Variants in KDM2B observed in about 807,000 individuals in gnomAD.
KDM2B encodes the protein lysine-specific demethylase 2B.
In KDM2B, 26 loss-of-function variants were observed where a neutral mutation model predicts 150.0. The observed-to-expected ratio is 0.17, with a 90% CI of 0.13 to 0.24. The LOEUF (loss-of-function observed/expected upper bound fraction) is 0.24, where lower values mean the gene tolerates loss of function less well. Among genes scored for constraint, KDM2B ranks in the 10% least tolerant of loss-of-function variants. The probability of loss-of-function intolerance (pLI) is 1.00; values close to 1 mark genes in which losing one functional copy is unlikely to be tolerated. For synonymous variants in KDM2B, 734 were observed against 729.5 expected (o/e 1.01, Z -0.10); for missense variants, 1,265 against 1,816.9 (o/e 0.70, Z 5.52).
chr12:121,446,752 A>G (rs1469786729), intron 13 of KDM2B, among the ~76,000 whole-genome samples: 1 of 152,246 alleles, frequency 6.6e-6, no homozygotes, highest in African/African-American at 2.4e-5. Context: ...CTGAATGAAA[A>G]TTAGACTTTT....
intron 11 of KDM2B, among the ~76,000 whole-genome samples, chr12:121,507,283 G>C (rs1361381277): frequency 6.6e-6 from 1 of 151,958 alleles, no homozygotes; most frequent in African/African-American, 2.4e-5. Context: ...ACAATCACTT[G>C]AACCCGGGAG....
At chr12:121,536,877 A>G (rs1888161873) in intron 6 of KDM2B, among the ~76,000 whole-genome samples, 1 of 152,100 alleles carries the variant, frequency 6.6e-6, no homozygotes, top group Non-Finnish European at 1.5e-5. Context: ...CTGCCTGGCT[A>G]ACCAGGTCAC....
intron 6 of KDM2B, among the ~76,000 whole-genome samples, chr12:121,541,985 T>A (rs549834916): frequency 3.9e-5 from 6 of 152,172 alleles, no homozygotes; most frequent in Non-Finnish European, 5.9e-5. Flanking sequence ...TTGATACACC[T>A]CCCTTCGAGA....
At chr12:121,443,594 G>C in intron 17 of KDM2B, 86 bp downstream of exon 17, 1 of 800,324 alleles carries the variant, frequency 1.2e-6, no homozygotes, top group Non-Finnish European at 2.2e-6. Context: ...GCAGCAGTGG[G>C]GTGGAGGACC....
intron 12 of KDM2B, among the ~76,000 whole-genome samples, chr12:121,475,274 T>G (rs547911296): frequency 2.9e-4 from 44 of 149,472 alleles, no homozygotes; most frequent in African/African-American, 1.1e-3. Context: ...TGGTCAAAAA[T>G]GGACACACAA....
chr12:121,550,857 G>A (rs560207367), intron 4 of KDM2B, among the ~76,000 whole-genome samples: 16 of 152,120 alleles, frequency 1.1e-4, no homozygotes, highest in African/African-American at 3.4e-4. Flanking sequence ...GTTAACGGAG[G>A]GGGAAAAATC....
At position 121,429,842 on chromosome 12, in the gene KDM2B, A is replaced by G; in HGVS notation, c.*446T>C. On this transcript the variant is annotated 3_prime_UTR_variant, in exon 23 of 23. Coordinates refer to ENST00000377071, the MANE Select transcript of KDM2B (RefSeq NM_032590.5). ...AGTTCTGCATAATGTAAGATGTAAC[A>G]AAACCAACCAAACAAAAAAAAGTGT... is the stretch of plus-strand genomic sequence containing the variant. 7.0e-6 allele frequency: 4 copies of G among 573,124 alleles called. No individual in the cohort carries two copies. Among genetic ancestry groups the G allele is most frequent in the Non-Finnish European group, 1.2e-5 (4 of 323,712 alleles). 35.5% of individuals were successfully genotyped at this position (573,124 alleles called of 1,614,324 possible).
chr12:121,566,914 T>G (rs1555315077), intron 4 of KDM2B, among the ~76,000 whole-genome samples: 2 of 151,894 alleles, frequency 1.3e-5, no homozygotes, highest in Non-Finnish European at 2.9e-5. Flanking sequence ...TGGAGTCTTG[T>G]TCTGTCACCC....
intron 22 of KDM2B, among the ~76,000 whole-genome samples, chr12:121,431,293 A>G (rs1555285450): frequency 7.6e-6 from 1 of 131,364 alleles, no homozygotes; most frequent in Non-Finnish European, 1.6e-5. Context: ...CACCATGTGC[A>G]ACTTTTTTTT....
intron 12 of KDM2B, among the ~76,000 whole-genome samples, chr12:121,478,362 T>C (rs1881630276): frequency 5.0e-5 from 1 of 20,174 alleles, no homozygotes; most frequent in African/African-American, 1.6e-3. Context: ...AAGTAGATCC[T>C]TTTTTTTTTT....
chr12:121,486,333 CTTTTTTTTTT>C (rs71079073), intron 12 of KDM2B, among the ~76,000 whole-genome samples: 27 of 59,018 alleles, frequency 4.6e-4, no homozygotes, highest in African/African-American at 1.6e-3. Context: ...TTTCGAACTC[CTTTTTTTTTT>C]TTTTTTTTTT....
rs1180748858 is a variant in KDM2B, at chr12:121,480,561, C to T, written c.1734+14018G>A. On this transcript the variant is annotated intron_variant, in intron 12 of 22. Coordinates refer to ENST00000377071, the MANE Select transcript of KDM2B (RefSeq NM_032590.5). Reference sequence around the variant, plus strand: ...TGGAGTTCAAGACCAGCCTGGGCAACATAATGAGACCCTGTCGCTACCAAA... The same window carrying T: ...TGGAGTTCAAGACCAGCCTGGGCAATATAATGAGACCCTGTCGCTACCAAA... Among the ~76,000 whole-genome samples the T allele has an allele frequency of 4.1e-5, 4 of 96,560 alleles. No homozygotes were observed. In the East Asian group the frequency reaches 1.1e-3, roughly 26 times the overall value. 63.3% of individuals were successfully genotyped at this position (96,560 alleles called of 152,430 possible).
the KDM2B span, among the ~76,000 whole-genome samples, chr12:121,415,530 C>T: frequency 2.6e-5 from 4 of 152,068 alleles, no homozygotes; most frequent in African/African-American, 7.2e-5. Context: ...GCAGGAGAAT[C>T]GCTTGAACCC....
downstream of KDM2B, among the ~76,000 whole-genome samples, chr12:121,428,312 C>T (rs1199088755): frequency 6.6e-6 from 1 of 152,062 alleles, no homozygotes; most frequent in Non-Finnish European, 1.5e-5. Flanking sequence ...CCTGTCTCAG[C>T]CTCCTGAGTA....
At chr12:121,437,497 T>C (rs781996242) in intron 22 of KDM2B, among the ~76,000 whole-genome samples, 1 of 138,650 alleles carries the variant, frequency 7.2e-6, no homozygotes, top group Non-Finnish European at 1.6e-5. Context: ...AAATATATAA[T>C]GTCCACATGG....
rs782678921 is a variant in KDM2B at position 121,452,657 on chromosome 12, G to A, written c.1959+463C>T. Among the ~76,000 whole-genome samples the A allele has an allele frequency of 2.0e-5, 3 of 152,244 alleles. No homozygotes were observed. The highest frequency in any genetic ancestry group is 2.1e-4 in the South Asian group (1 of 4,832). On this transcript the variant is annotated intron_variant, in intron 13 of 22. Transcript: ENST00000377071. This position sits in a 1 kb window ranked among gnomAD's most constrained non-coding sequence, Gnocchi z 4.4. The stretch of plus-strand genomic sequence containing the variant: ...AGACCAGCGGCGCGGGGCCACTGCC[G>A]GAGCTGAGGCCAGGCGGTGTGGAGG...
chr12:121,556,586 C>T (rs1269207157), intron 4 of KDM2B, among the ~76,000 whole-genome samples: 1 of 152,188 alleles, frequency 6.6e-6, no homozygotes, highest in Non-Finnish European at 1.5e-5. Flanking sequence ...CACCATGGCT[C>T]AAGCCTGTAA....
intron 12 of KDM2B, among the ~76,000 whole-genome samples, chr12:121,456,702 G>A (rs1050540949): frequency 6.6e-6 from 1 of 152,220 alleles, no homozygotes; most frequent in Non-Finnish European, 1.5e-5. Context: ...TCCAGTCTGA[G>A]TCTCGAAGCT....
chr12:121,418,031 T>C, the KDM2B span: 2 of 1,057,906 alleles, frequency 1.9e-6, no homozygotes, highest in Non-Finnish European at 2.8e-6. Context: ...GGAGTGAAGC[T>C]TCCACACCCA....
Sources: gnomAD v4.1 joint callset for allele counts (sites outside exome capture counted in the v4.1 genomes callset) on GRCh38, gnomAD v4.1.1 for gene constraint, Gnocchi (gnomAD v3.1) non-coding constraint, MANE v1.5 for transcripts, NCBI Gene and HGNC (gene_info 2026-07-23, HGNC 2026-07-21) for gene names.